PCYT1B: variants seen among roughly 807,000 people sequenced by gnomAD.
The protein encoded by PCYT1B is choline-phosphate cytidylyltransferase B.
A neutral mutation model predicts 26.4 loss-of-function variants in PCYT1B; 10 were observed. That is an observed-to-expected ratio of 0.38 (90% CI 0.23 to 0.64). The LOEUF (loss-of-function observed/expected upper bound fraction) is 0.64. Among genes scored for constraint, PCYT1B ranks in the 30% least tolerant of loss-of-function variants. The pLI, the probability that PCYT1B is intolerant of heterozygous loss-of-function variation, is 0.56. For missense variants in PCYT1B, 161 were observed against 292.7 expected (o/e 0.55, Z 3.28); for synonymous variants, 131 against 108.4 (o/e 1.21, Z -1.29).
chrX:24,596,063 G>A (rs1924768631), intron 3 of PCYT1B, among the ~76,000 whole-genome samples: 1 of 111,884 alleles, frequency 8.9e-6, no homozygotes, highest in African/African-American at 3.2e-5. Context: ...GCCCTCCTGC[G>A]AAGCAGAGGT....
rs1275733764 is a variant in PCYT1B at position 24,561,315 on chromosome X, T to C, written c.*978A>G. ...CCCGGGGATGACATATTGGAGCATA[T>C]ATAGAACAGATACGTGCAGGTAGCA... On this transcript the variant is annotated 3_prime_UTR_variant, in exon 8 of 8. Coordinates refer to ENST00000379144, the MANE Select transcript of PCYT1B (RefSeq NM_004845.5). The C allele has an allele frequency of 2.7e-5, 3 of 111,838 alleles. No individual in the cohort carries two copies. The highest frequency in any genetic ancestry group is 5.6e-5 in the Non-Finnish European group (3 of 53,171). 9.2% of individuals were successfully genotyped at this position (111,838 alleles called of 1,213,427 possible). A position where few individuals can be genotyped will look rare whatever the true frequency, so the allele number is the denominator to read the frequency against.
intron 1 of PCYT1B, among the ~76,000 whole-genome samples, chrX:24,622,352 A>C (rs1024928786): frequency 9.0e-6 from 1 of 111,384 alleles, no homozygotes; most frequent in Admixed American, 9.6e-5. Flanking sequence ...TTAAAAAAAA[A>C]CTCCTTCTCT....
chrX:24,666,655 G>A (rs1204902443), intron 1 of PCYT1B, among the ~76,000 whole-genome samples: 3 of 109,879 alleles, frequency 2.7e-5, no homozygotes, highest in African/African-American at 9.9e-5. Flanking sequence ...GAGAGAGAGA[G>A]AGAATTTGTA....
At chrX:24,584,408 A>T (rs1924303176) in intron 5 of PCYT1B, among the ~76,000 whole-genome samples, 2 of 112,756 alleles carry the variant, frequency 1.8e-5, no homozygotes, top group Non-Finnish European at 3.7e-5. Context: ...TAACTGAGGC[A>T]TCTGCCAGTT....
chrX:24,624,249 A>G (rs188785792), intron 1 of PCYT1B, among the ~76,000 whole-genome samples: 1,450 of 111,682 alleles, frequency 0.013, 5 homozygotes, highest in South Asian at 0.03. Flanking sequence ...GATTACAGGC[A>G]TGAGCCACCG....
chrX:24,614,758 C>A (rs766459284), intron 2 of PCYT1B, among the ~76,000 whole-genome samples: 7 of 111,938 alleles, frequency 6.3e-5, no homozygotes, highest in Non-Finnish European at 1.3e-4. Flanking sequence ...AAAAAAGTAA[C>A]GTTTTTCTTG....
intron 3 of PCYT1B, among the ~76,000 whole-genome samples, chrX:24,597,385 G>A (rs961536654): frequency 8.9e-6 from 1 of 111,782 alleles, no homozygotes; most frequent in Non-Finnish European, 1.9e-5. Context: ...GCCTCCCAAA[G>A]TGCTGGGATT....
upstream of PCYT1B, among the ~76,000 whole-genome samples, chrX:24,648,449 ATTT>A (rs57744798): frequency 0.016 from 640 of 39,653 alleles, 8 homozygotes; most frequent in African/African-American, 0.083. Flanking sequence ...ATTTGAAGGA[ATTT>A]TTTTTTTTTT....
intron 1 of PCYT1B, among the ~76,000 whole-genome samples, chrX:24,656,227 C>T (rs1433777363): frequency 4.8e-5 from 1 of 20,911 alleles, no homozygotes; most frequent in Non-Finnish European, 9.2e-5. Flanking sequence ...TGCAGGGGGT[C>T]GCGGGGGGGG....
At chrX:24,624,065 G>A (rs752150247) in intron 1 of PCYT1B, among the ~76,000 whole-genome samples, 1 of 107,417 alleles carries the variant, frequency 9.3e-6, no homozygotes, top group Admixed American at 9.9e-5. Flanking sequence ...CACTTCCCGG[G>A]TTCATGCCAT....
intron 5 of PCYT1B, among the ~76,000 whole-genome samples, 197 bp downstream of exon 5, chrX:24,587,044 A>G (rs1445706342): frequency 8.9e-6 from 1 of 112,258 alleles, no homozygotes; most frequent in Non-Finnish European, 1.9e-5. Flanking sequence ...ATTCCTATAT[A>G]AATACCTAAA....
chrX:24,570,189 GAA>G (rs1176471313), intron 7 of PCYT1B, among the ~76,000 whole-genome samples: 6 of 31,691 alleles, frequency 1.9e-4, no homozygotes, highest in South Asian at 1.7e-3. Flanking sequence ...CTCAGTCTCA[GAA>G]AAAAAAAAAA....
intron 7 of PCYT1B, among the ~76,000 whole-genome samples, chrX:24,569,640 T>A (rs1378545385): frequency 2.7e-5 from 3 of 112,150 alleles, no homozygotes; most frequent in Non-Finnish European, 5.6e-5. Context: ...CTAAGTGAAA[T>A]ATGCCAGCCA....
intron 3 of PCYT1B, among the ~76,000 whole-genome samples, chrX:24,592,888 C>G (rs1056831006): frequency 2.7e-5 from 3 of 111,864 alleles, no homozygotes; most frequent in East Asian, 5.6e-4. Flanking sequence ...TCCTCTCCCT[C>G]AAGTCTTTCC....
In PCYT1B at chrX:24,562,259, C is replaced by A; in HGVS notation, c.*34G>T. The A allele has an allele frequency of 8.6e-7, 1 of 1,163,361 alleles. No homozygotes were observed. The highest frequency in any genetic ancestry group is 1.1e-6 in the Non-Finnish European group (1 of 869,908). ...CTGTGACTCTCGCCCTCCTCCCCAT[C>A]CTGCATGGTGCGGCTCTTGCCTCCC... On this transcript the variant is annotated 3_prime_UTR_variant, in exon 8 of 8. Transcript: ENST00000379144.
At chrX:24,666,170 C>T (rs1927123202) in intron 1 of PCYT1B, among the ~76,000 whole-genome samples, 1 of 111,412 alleles carries the variant, frequency 9.0e-6, no homozygotes, top group South Asian at 3.8e-4. Context: ...TTCTCCTGAA[C>T]AGCCTAGAGA....
intron 1 of PCYT1B, 150 bp downstream of exon 1, chrX:24,646,838 AG>A: frequency 2.1e-6 from 1 of 470,770 alleles, no homozygotes. Flanking sequence ...ATAGAAGCTA[AG>A]TATAAACAGC....
At chrX:24,596,630 G>A (rs1310855632) in intron 3 of PCYT1B, among the ~76,000 whole-genome samples, 1 of 109,397 alleles carries the variant, frequency 9.1e-6, no homozygotes, top group Non-Finnish European at 1.9e-5. Context: ...ATAATCATAG[G>A]GCAAAACCAT....
At chrX:24,599,056 G>T (rs1924878404) in intron 3 of PCYT1B, among the ~76,000 whole-genome samples, 1 of 111,755 alleles carries the variant, frequency 8.9e-6, no homozygotes. Context: ...GCTATATCTA[G>T]TTGAATAAGT....
Sources: allele counts gnomAD v4.1 joint callset (sites outside exome capture counted in the v4.1 genomes callset), GRCh38; gene constraint gnomAD v4.1.1; transcripts MANE v1.5; gene names NCBI Gene and HGNC (gene_info 2026-07-23, HGNC 2026-07-21).